LGSN: variants seen among roughly 807,000 people sequenced by gnomAD.
The protein encoded by LGSN is lengsin, lens protein with glutamine synthetase domain.
A neutral mutation model predicts 19.5 loss-of-function variants in LGSN; 21 were observed. The ratio of observed to expected loss-of-function variants is 1.07; its 90% CI spans 0.76 to 1.55. LGSN has a LOEUF of 1.55. Ranked by LOEUF, LGSN falls within the 40% of genes most tolerant of loss-of-function variation. LGSN has a pLI of 0.00. For missense variants in LGSN, 673 were observed against 608.5 expected, an observed-to-expected ratio of 1.11 and a Z score of -1.12; for synonymous variants, 257 against 215.6, an observed-to-expected ratio of 1.19 and a Z score of -1.68.
chr6:63,350,146 A>C, the LGSN span, among the ~76,000 whole-genome samples: 2 of 152,248 alleles, frequency 1.3e-5, no homozygotes, highest in Non-Finnish European at 2.9e-5. Context: ...GCACCAACCT[A>C]ATAATTAACT....
In LGSN at chr6:63,285,629, G is replaced by A. The variant is rs146253789; in HGVS notation, c.288C>T (p.His96=). The A allele has an allele frequency of 4.4e-5, 71 of 1,613,746 alleles. No individual in the cohort carries two copies. The highest frequency in any genetic ancestry group is 2.2e-4 in the East Asian group (10 of 44,866). Residue 96 remains histidine (H), a synonymous_variant, in exon 3 of 4, where the codon CAC becomes CAT. Transcript: ENST00000370657. The part of the protein sequence containing the change: ...QFVRFEATDL[H]GVSRSKTIPA... ...GGATAGTCTTAGACCTGGACACGCC[G>A]TGGAGGTCTGTTGCTTCAAATCGTA...
chr6:63,339,393 C>T, the LGSN span, among the ~76,000 whole-genome samples: 1 of 152,152 alleles, frequency 6.6e-6, no homozygotes, highest in African/African-American at 2.4e-5. Context: ...GATATATGCT[C>T]TTGCTGAATT....
chr6:63,340,843 T>G, the LGSN span, among the ~76,000 whole-genome samples: 2 of 150,458 alleles, frequency 1.3e-5, no homozygotes, highest in Non-Finnish European at 3.0e-5. Context: ...ATGGTTTGTG[T>G]GTGTGTGTGT....
At chr6:63,532,405 C>A in the LGSN span, among the ~76,000 whole-genome samples, 1 of 152,140 alleles carries the variant, frequency 6.6e-6, no homozygotes, top group Non-Finnish European at 1.5e-5. Context: ...TCACATACTA[C>A]CAGTACCAGC....
the LGSN span, chr6:63,572,745 C>G: frequency 2.5e-6 from 1 of 398,314 alleles, no homozygotes; most frequent in Non-Finnish European, 4.4e-6. Flanking sequence ...ATCGTCGCCT[C>G]TCGGGCTGGG....
chr6:63,449,828 A>G, the LGSN span, among the ~76,000 whole-genome samples: 3 of 152,210 alleles, frequency 2.0e-5, no homozygotes, highest in African/African-American at 7.2e-5. Context: ...TAGAATATAC[A>G]ACTAGTTGAA....
At chr6:63,410,961 T>C in the LGSN span, among the ~76,000 whole-genome samples, 1 of 152,152 alleles carries the variant, frequency 6.6e-6, no homozygotes, top group Non-Finnish European at 1.5e-5. Flanking sequence ...AGGCCAGAAA[T>C]GTCAGTACAG....
At chr6:63,548,828 A>G in the LGSN span, 758 of 752,370 alleles carry the variant, frequency 1.0e-3, 6 homozygotes, top group African/African-American at 6.5e-3. Flanking sequence ...TGTATCTGTC[A>G]TTGTAGTCAG....
chr6:63,407,883 T>C, the LGSN span, among the ~76,000 whole-genome samples: 4 of 152,102 alleles, frequency 2.6e-5, no homozygotes, highest in Non-Finnish European at 5.9e-5. Context: ...TATACACCAA[T>C]AACAGACTAA....
chr6:63,308,752 A>G lies in LGSN; in HGVS notation c.30+11162T>C, dbSNP rs148079031. Among the ~76,000 whole-genome samples the G allele has an allele frequency of 6.6e-4, 101 of 152,348 alleles. 1 individual carries two copies. Among genetic ancestry groups the G allele is most frequent in the African/African-American group, 2.3e-3 (97 of 41,586 alleles). On this transcript the variant is annotated intron_variant, in intron 1 of 3. Coordinates refer to ENST00000370657, the MANE Select transcript of LGSN (RefSeq NM_016571.3). Reference sequence around the variant, plus strand: ...AAACAAGCAAATCAAAATTTCATCAAGTTTTAACCTCTGTTAGAAATAGTG... The same window carrying G: ...AAACAAGCAAATCAAAATTTCATCAGGTTTTAACCTCTGTTAGAAATAGTG...
the LGSN span, among the ~76,000 whole-genome samples, chr6:63,356,328 T>A: frequency 2.6e-5 from 4 of 152,072 alleles, no homozygotes; most frequent in African/African-American, 9.7e-5. Flanking sequence ...TCACGTGAAG[T>A]CAGGAGTTCG....
At chr6:63,333,120 G>C in the LGSN span, among the ~76,000 whole-genome samples, 2 of 151,856 alleles carry the variant, frequency 1.3e-5, no homozygotes, top group Non-Finnish European at 1.5e-5. Context: ...GTGTGGAAGG[G>C]GACCCGAGCG....
chr6:63,562,786 G>T, the LGSN span, among the ~76,000 whole-genome samples: 2 of 152,268 alleles, frequency 1.3e-5, no homozygotes, highest in Admixed American at 6.5e-5. Flanking sequence ...AAAACCCTCA[G>T]AAATAGTGTC....
the LGSN span, among the ~76,000 whole-genome samples, chr6:63,351,901 T>A: frequency 2.8e-3 from 420 of 152,350 alleles, 4 homozygotes; most frequent in African/African-American, 9.5e-3. Context: ...TGAGACTGAT[T>A]TACTGTTTCA....
At chr6:63,474,088 G>C in the LGSN span, among the ~76,000 whole-genome samples, 1 of 151,990 alleles carries the variant, frequency 6.6e-6, no homozygotes, top group Non-Finnish European at 1.5e-5. Context: ...AGGTAACATG[G>C]GAGAACTTGG....
chr6:63,557,881 A>T, the LGSN span, among the ~76,000 whole-genome samples: 1 of 151,936 alleles, frequency 6.6e-6, no homozygotes, highest in Non-Finnish European at 1.5e-5. Context: ...TTTTAAAATG[A>T]TACTGAACAT....
chr6:63,502,709 TC>T, the LGSN span, among the ~76,000 whole-genome samples: 3 of 152,090 alleles, frequency 2.0e-5, no homozygotes, highest in African/African-American at 7.2e-5. Context: ...AACGAGTAAA[TC>T]CTGAAATTTG....
At chr6:63,553,552 G>T in the LGSN span, among the ~76,000 whole-genome samples, 1 of 152,216 alleles carries the variant, frequency 6.6e-6, no homozygotes, top group African/African-American at 2.4e-5. Flanking sequence ...GTGTCTCAGT[G>T]TAGCTAATTT....
chr6:63,471,355 A>G, the LGSN span, among the ~76,000 whole-genome samples: 15 of 151,878 alleles, frequency 9.9e-5, no homozygotes, highest in Admixed American at 9.2e-4. Flanking sequence ...TGAAGATTAC[A>G]CAATAGTTGG....
Sources: gnomAD v4.1 joint callset for allele counts (sites outside exome capture counted in the v4.1 genomes callset) on GRCh38, gnomAD v4.1.1 for gene constraint, MANE v1.5 for transcripts, NCBI Gene and HGNC (gene_info 2026-07-23, HGNC 2026-07-21) for gene names.